Variants in MARCHF1 observed in about 807,000 individuals in gnomAD.
The protein encoded by MARCHF1 is membrane associated ring-CH-type finger 1, also known as E3 ubiquitin-protein ligase MARCHF1.
In MARCHF1, 40 loss-of-function variants were observed where a neutral mutation model predicts 54.2. That is an observed-to-expected ratio of 0.74 (90% CI 0.57 to 0.96). MARCHF1 has a LOEUF of 0.96. Ranked by LOEUF, MARCHF1 falls within the 40% of genes least tolerant of loss-of-function variation. The pLI is 0.00. For synonymous variants in MARCHF1, 236 were observed against 236.3 expected, an observed-to-expected ratio of 1.00 and a Z score of 0.01; for missense variants, 586 against 656.5, an observed-to-expected ratio of 0.89 and a Z score of 1.17.
chr4:163,995,439 C>T (rs1322679339), intron 2 of MARCHF1, among the ~76,000 whole-genome samples: 1 of 151,996 alleles, frequency 6.6e-6, no homozygotes, highest in Non-Finnish European at 1.5e-5. Flanking sequence ...AACTTTCACC[C>T]TCTCCCTCCT....
At chr4:164,176,970 C>CCCTATATATATA (rs3059788) in intron 1 of MARCHF1, among the ~76,000 whole-genome samples, 1 of 57,444 alleles carries the variant, frequency 1.7e-5, no homozygotes. Flanking sequence ...CTCTCTCTCT[C>CCCTATATATATA]TCTCTCTCTC....
At chr4:163,785,839 G>A (rs1275801587) in intron 4 of MARCHF1, among the ~76,000 whole-genome samples, 1 of 151,880 alleles carries the variant, frequency 6.6e-6, no homozygotes, top group Non-Finnish European at 1.5e-5. Context: ...AAAGGCCTTT[G>A]CACATGTGAT....
chr4:163,585,093 C>T (rs1388043536), intron 8 of MARCHF1: 1 of 152,090 alleles, frequency 6.6e-6, no homozygotes, highest in Non-Finnish European at 1.5e-5. Context: ...CACAGTCTTA[C>T]CTTTCTTCTT....
intron 1 of MARCHF1, among the ~76,000 whole-genome samples, chr4:164,194,482 A>AT (rs900086351): frequency 2.0e-5 from 3 of 151,894 alleles, no homozygotes; most frequent in Non-Finnish European, 4.4e-5. Flanking sequence ...AACATAGTTA[A>AT]TTTTTTTTCA....
chr4:163,743,216 CACT>C (rs1746259500), intron 4 of MARCHF1, among the ~76,000 whole-genome samples: 2 of 152,146 alleles, frequency 1.3e-5, no homozygotes, highest in Non-Finnish European at 1.5e-5. Context: ...ACTGGGCATT[CACT>C]AGAGGGTCAA....
chr4:164,362,965 GAA>G (rs1481188675), intron 1 of MARCHF1, among the ~76,000 whole-genome samples: 1 of 151,988 alleles, frequency 6.6e-6, no homozygotes, highest in African/African-American at 2.4e-5. Context: ...ATACTAATTA[GAA>G]TACATAAGCT....
chr4:163,977,817 A>G (rs1280269722), intron 3 of MARCHF1, among the ~76,000 whole-genome samples: 1 of 152,220 alleles, frequency 6.6e-6, no homozygotes, highest in Non-Finnish European at 1.5e-5. Context: ...AAATAATCCT[A>G]TAAATATAAA....
chr4:164,246,292 C>A (rs374785114), intron 1 of MARCHF1, among the ~76,000 whole-genome samples: 1 of 46,240 alleles, frequency 2.2e-5, no homozygotes, highest in African/African-American at 5.6e-5. Context: ...TCAGAAATAA[C>A]GCCGCATATC....
intron 5 of MARCHF1, among the ~76,000 whole-genome samples, chr4:163,692,414 T>C (rs1288792799): frequency 6.6e-6 from 1 of 152,142 alleles, no homozygotes; most frequent in Non-Finnish European, 1.5e-5. Flanking sequence ...AAACCAATCT[T>C]AGTGCTGTGT....
intron 1 of MARCHF1, among the ~76,000 whole-genome samples, chr4:164,262,305 G>A (rs9308075): frequency 0.12 from 17,661 of 151,976 alleles, 1,614 homozygotes; most frequent in African/African-American, 0.25. Flanking sequence ...TTAATAAACA[G>A]GGATGCTTCT....
intron 3 of MARCHF1, among the ~76,000 whole-genome samples, chr4:163,858,220 C>G (rs551561099): frequency 8.5e-5 from 13 of 152,194 alleles, no homozygotes; most frequent in African/African-American, 2.9e-4. Context: ...ACCTGGCAGC[C>G]CTGCTGGGCT....
At chr4:163,789,939 T>G (rs975832302) in intron 4 of MARCHF1, among the ~76,000 whole-genome samples, 7 of 152,130 alleles carry the variant, frequency 4.6e-5, no homozygotes, top group Non-Finnish European at 8.8e-5. Flanking sequence ...ATATTGTGTC[T>G]GTCAAATTTG....
intron 7 of MARCHF1, among the ~76,000 whole-genome samples, chr4:163,602,570 C>T (rs987765825): frequency 6.6e-6 from 1 of 152,084 alleles, no homozygotes; most frequent in African/African-American, 2.4e-5. Context: ...CCTACCAACT[C>T]AGATTTTATT....
chr4:163,762,003 A>T (rs565648921), intron 4 of MARCHF1, among the ~76,000 whole-genome samples: 1 of 152,280 alleles, frequency 6.6e-6, no homozygotes, highest in African/African-American at 2.4e-5. Flanking sequence ...AATTTATTTT[A>T]TTTAAGTAAT....
At chr4:164,012,897 A>G (rs2110946774) in intron 2 of MARCHF1, among the ~76,000 whole-genome samples, 1 of 152,272 alleles carries the variant, frequency 6.6e-6, no homozygotes, top group Non-Finnish European at 1.5e-5. Context: ...TCCCCTTGGA[A>G]TTTGTAAAAA....
intron 1 of MARCHF1, among the ~76,000 whole-genome samples, chr4:164,361,703 T>G (rs1182620777): frequency 6.6e-6 from 1 of 152,186 alleles, no homozygotes; most frequent in Non-Finnish European, 1.5e-5. Flanking sequence ...ATCAATATAT[T>G]ACATGCTTTT....
chr4:164,171,276 A>C (rs1312663568), intron 1 of MARCHF1, among the ~76,000 whole-genome samples: 1 of 152,158 alleles, frequency 6.6e-6, no homozygotes, highest in Non-Finnish European at 1.5e-5. Flanking sequence ...TAAGTGATAC[A>C]AAGAGCATGT....
chr4:164,016,451 A>G (rs1452304336), intron 2 of MARCHF1, among the ~76,000 whole-genome samples: 1 of 152,190 alleles, frequency 6.6e-6, no homozygotes, highest in Non-Finnish European at 1.5e-5. Flanking sequence ...TGGGGACACA[A>G]AACCTAACCA....
intron 9 of MARCHF1, 87 bp downstream of exon 9, chr4:163,545,509 G>T (rs753716249): frequency 1.0e-5 from 13 of 1,301,060 alleles, no homozygotes; most frequent in Non-Finnish European, 1.4e-5. Flanking sequence ...ACATGATGAA[G>T]GCCTAACCTG....
Sources: allele counts gnomAD v4.1 joint callset (sites outside exome capture counted in the v4.1 genomes callset), GRCh38; gene constraint gnomAD v4.1.1; transcripts MANE v1.5; gene names NCBI Gene and HGNC (gene_info 2026-07-23, HGNC 2026-07-21).